Variants in DYNC2I1 observed in about 807,000 individuals in gnomAD.
DYNC2I1 encodes dynein 2 intermediate chain 1.
Under a neutral mutation model 133.4 loss-of-function variants are expected in DYNC2I1, and 89 were observed. The observed-to-expected ratio is 0.67, with a 90% CI of 0.56 to 0.80. The LOEUF is 0.80. Among genes scored for constraint, DYNC2I1 ranks in the 30% least tolerant of loss-of-function variants. The pLI is 0.00. For missense variants in DYNC2I1, 1,291 were observed against 1,314.5 expected (o/e 0.98, Z 0.28); for synonymous variants, 504 against 484.3 (o/e 1.04, Z -0.54).
intron 1 of DYNC2I1, among the ~76,000 whole-genome samples, chr7:158,861,552 C>T (rs1331403566): frequency 6.6e-6 from 1 of 152,228 alleles, no homozygotes; most frequent in Non-Finnish European, 1.5e-5. Context: ...AGAAAGGAAT[C>T]AGCCTGAGGT....
intron 3 of DYNC2I1, among the ~76,000 whole-genome samples, chr7:158,873,056 C>T (rs542159803): frequency 4.0e-5 from 6 of 151,868 alleles, no homozygotes; most frequent in East Asian, 3.9e-4. Context: ...TTATTATCTC[C>T]GTAAATCTGA....
intron 5 of DYNC2I1, 51 bp from the exon 6 acceptor site, chr7:158,884,513 T>A (rs1844401622): frequency 6.4e-7 from 1 of 1,562,022 alleles, no homozygotes; most frequent in Admixed American, 1.9e-5. Context: ...TATGCTTACT[T>A]CATTCCGATA....
At chr7:158,861,493 G>C (rs909227195) in intron 1 of DYNC2I1, among the ~76,000 whole-genome samples, 2 of 152,118 alleles carry the variant, frequency 1.3e-5, no homozygotes, top group Admixed American at 1.3e-4. Context: ...TTCACCACTC[G>C]AAAGTCTGGC....
chr7:158,896,342 T>C (rs1440893831), intron 8 of DYNC2I1, among the ~76,000 whole-genome samples: 6 of 152,262 alleles, frequency 3.9e-5, no homozygotes, highest in Admixed American at 6.5e-5. Flanking sequence ...TTTACTGATA[T>C]GATCTTATGA....
rs1584917514 is a variant in DYNC2I1 at position 158,856,571 on chromosome 7, G to A, written c.-165G>A. 1.5e-5 allele frequency: 10 copies of A among 669,626 alleles called. No homozygotes were observed. Among genetic ancestry groups the A allele is most frequent in the Non-Finnish European group, 2.1e-5 (10 of 476,278 alleles). The allele number at this position is 669,626 out of a possible 1,614,324, so 41.5% of individuals were successfully genotyped here. A position where few individuals can be genotyped will look rare whatever the true frequency, so the allele number is the denominator to read the frequency against. On this transcript the variant is annotated 5_prime_UTR_variant, in exon 1 of 25. Transcript: ENST00000407559. The stretch of plus-strand genomic sequence containing the variant: ...CGCAGGCGCACTGGGAGAGGCCGCA[G>A]GGCACGCTGGGCAGTGCTTCTGGGC...
Position 158,910,435 on chromosome 7 carries a change from G to T in DYNC2I1, c.1461-1115G>T, listed in dbSNP as rs10258799. 6.4e-3 allele frequency among the ~76,000 whole-genome samples: 966 copies of T among 149,958 alleles called. 15 individuals are homozygous for T. Among genetic ancestry groups the T allele is most frequent in the African/African-American group, 0.021 (866 of 40,506 alleles). ...GAGCGCGATTGGCTGTGTCAGGCCT[G>T]TGGGCCGAGGGCAATTGGCTATGTC... On this transcript the variant is annotated intron_variant, in intron 11 of 24. Coordinates refer to ENST00000407559, the MANE Select transcript of DYNC2I1 (RefSeq NM_018051.5).
At chr7:158,909,485 A>G (rs544369506) in intron 11 of DYNC2I1, among the ~76,000 whole-genome samples, 3 of 152,324 alleles carry the variant, frequency 2.0e-5, no homozygotes, top group Admixed American at 6.5e-5. Flanking sequence ...CTCTGAGGAT[A>G]TAATGTCATG....
chr7:158,849,992 C>T, the DYNC2I1 span, among the ~76,000 whole-genome samples: 17 of 152,344 alleles, frequency 1.1e-4, no homozygotes, highest in East Asian at 5.8e-4. Context: ...CCCTTTTGCC[C>T]AGGAATCAAT....
chr7:158,885,214 G>A (rs1260298929), intron 6 of DYNC2I1, among the ~76,000 whole-genome samples: 2 of 152,068 alleles, frequency 1.3e-5, no homozygotes, highest in African/African-American at 4.8e-5. Flanking sequence ...CTGGGGGTGG[G>A]GGTCAGCCTT....
intron 4 of DYNC2I1, among the ~76,000 whole-genome samples, chr7:158,952,161 G>A (rs953161332): frequency 1.5e-4 from 23 of 152,282 alleles, no homozygotes; most frequent in Non-Finnish European, 2.5e-4. Flanking sequence ...CGAGGAGGGC[G>A]CGGTAAACAC....
intron 8 of DYNC2I1, among the ~76,000 whole-genome samples, chr7:158,891,982 C>G (rs936914926): frequency 1.8e-4 from 27 of 151,986 alleles, no homozygotes; most frequent in Admixed American, 8.5e-4. Flanking sequence ...TGATGGAGAG[C>G]ACTTGGGGCT....
chr7:158,917,008 ACGT>A (rs1848424598), intron 14 of DYNC2I1, among the ~76,000 whole-genome samples: 1 of 52,838 alleles, frequency 1.9e-5, no homozygotes, highest in Admixed American at 1.5e-4. Context: ...TGATTGTGAA[ACGT>A]CGACACGCTG....
At chr7:158,911,425 C>A in intron 11 of DYNC2I1, 125 bp from the exon 12 acceptor site, 1 of 1,062,058 alleles carries the variant, frequency 9.4e-7, no homozygotes, top group Non-Finnish European at 1.3e-6. Flanking sequence ...CAGACTCACC[C>A]CAGCCTGAAG....
chr7:158,882,224 T>TA (rs1234676371), intron 5 of DYNC2I1, among the ~76,000 whole-genome samples: 1 of 152,090 alleles, frequency 6.6e-6, no homozygotes, highest in Non-Finnish European at 1.5e-5. Flanking sequence ...AAACAAAAAT[T>TA]ACTGTTCTTA....
chr7:158,923,702 C>T lies in DYNC2I1; in HGVS notation c.2226C>T (p.Phe742=), dbSNP rs2657321. Residue 742 remains phenylalanine (F), a synonymous_variant, in exon 17 of 25, where the codon TTC becomes TTT. Coordinates refer to ENST00000407559, the MANE Select transcript of DYNC2I1 (RefSeq NM_018051.5). The stretch of plus-strand genomic sequence containing the variant: ...ACTCTGTGACGCTGAGCGATGGCTT[C>T]TGGACGTTCCGGACCGCCACGTTTT... The part of the protein sequence containing the change: ...LHYSVTLSDG[F]WTFRTATFST... The T allele has an allele frequency of 6.2e-7, 1 of 1,613,360 alleles. No individual in the cohort carries two copies. Among genetic ancestry groups the T allele is most frequent in the Non-Finnish European group, 8.5e-7 (1 of 1,179,422 alleles).
chr7:158,849,852 G>C, the DYNC2I1 span, among the ~76,000 whole-genome samples: 1 of 152,236 alleles, frequency 6.6e-6, no homozygotes, highest in African/African-American at 2.4e-5. Context: ...CATCCTGATT[G>C]GTCCATGGGT....
At chr7:158,942,785 G>A (rs1036869688) in intron 24 of DYNC2I1, among the ~76,000 whole-genome samples, 3 of 152,212 alleles carry the variant, frequency 2.0e-5, no homozygotes, top group African/African-American at 7.2e-5. Context: ...CAGGCCCCTC[G>A]AGGGGCTCCC....
At position 158,911,644 on chromosome 7, in the gene DYNC2I1, T is replaced by C. The variant is rs1465964397; in HGVS notation, c.1555T>C (p.Tyr519His). ...ACCACCAGTAAATGAATATGACATG[T>C]ATATCAGAAACTTTGGGAAAAAAAA... ...DLPPVNEYDMYIRNFGKKNTK... is the reference protein window; with the variant it reads ...DLPPVNEYDMHIRNFGKKNTK... The change falls in exon 12 of 25, where the codon TAT (tyrosine) becomes CAT (histidine). Residue 519 changes from tyrosine to histidine, a missense_variant. Transcript: ENST00000407559. The C allele has an allele frequency of 1.9e-6, 3 of 1,611,940 alleles. No homozygotes were observed. Among genetic ancestry groups the C allele is most frequent in the Non-Finnish European group, 1.7e-6 (2 of 1,179,424 alleles).
chr7:158,853,715 C>T (rs1841105914), upstream of DYNC2I1, among the ~76,000 whole-genome samples: 1 of 149,314 alleles, frequency 6.7e-6, no homozygotes, highest in African/African-American at 2.5e-5. Context: ...AGTGCAGTGG[C>T]GCGATCTTGG....
Sources: gnomAD v4.1 joint callset for allele counts (sites outside exome capture counted in the v4.1 genomes callset) on GRCh38, gnomAD v4.1.1 for gene constraint, MANE v1.5 for transcripts, NCBI Gene and HGNC (gene_info 2026-07-23, HGNC 2026-07-21) for gene names.